The following PGBD5 variants were observed in gnomAD, a reference collection of about 807,000 sequenced individuals.
PGBD5 encodes the protein piggyBac transposable element-derived protein 5.
Under a neutral mutation model 47.9 loss-of-function variants are expected in PGBD5, and 14 were observed. The ratio of observed to expected loss-of-function variants is 0.29; its 90% CI spans 0.19 to 0.46. The LOEUF (loss-of-function observed/expected upper bound fraction) is 0.46, where lower values mean the gene tolerates loss of function less well. PGBD5 is among the 20% of genes least tolerant of loss of function. PGBD5 has a pLI of 1.00. For missense variants in PGBD5, 635 were observed against 716.0 expected (o/e 0.89, Z 1.29); for synonymous variants, 316 against 306.3 (o/e 1.03, Z -0.33).
rs1430468710 is a variant in PGBD5, at chr1:230,318,025, C to T, written c.*5400G>A. 1 of 152,574 alleles carries T rather than the reference C, an allele frequency of 6.6e-6. No homozygotes were observed. The highest frequency in any genetic ancestry group is 1.5e-5 in the Non-Finnish European group (1 of 68,362). The allele number at this position is 152,574 out of a possible 1,614,324, so 9.5% of individuals were successfully genotyped here. On this transcript the variant is annotated 3_prime_UTR_variant, in exon 7 of 7. Transcript: ENST00000391860. ...CCAGCGCCAGCACCACCGCCCTACA[C>T]TCAAGAGAGGCTGCCCGGCCCCCAC...
In PGBD5 at chr1:230,316,071, TAC is replaced by T. The variant is rs779672970; in HGVS notation, c.*7352_*7353del. The stretch of plus-strand genomic sequence containing the variant: ...GTACACATATATGTATGTGTATACA[TAC>T]ATGTTTATGTGTATACATACATATG... On this transcript the variant is annotated 3_prime_UTR_variant, in exon 7 of 7. Coordinates refer to ENST00000391860, the MANE Select transcript of PGBD5 (RefSeq NM_001258311.2). 4.1e-4 allele frequency: 48 copies of T among 116,480 alleles called. No homozygotes were observed. The highest frequency in any genetic ancestry group is 2.4e-3 in the East Asian group (5 of 2,068). 7.2% of individuals were successfully genotyped at this position (116,480 alleles called of 1,614,324 possible).
rs1236400361 is a variant in PGBD5, at chr1:230,318,945, G to A, written c.*4480C>T. ...ATCTAGGACAAGAAAAGGACCCAGG[G>A]GGAGGGTGATGTCCCGGATCTCATA... is the stretch of plus-strand genomic sequence containing the variant. On this transcript the variant is annotated 3_prime_UTR_variant, in exon 7 of 7. Transcript: ENST00000391860. The A allele has an allele frequency of 1.3e-5, 2 of 152,218 alleles. No individual in the cohort carries two copies. Among genetic ancestry groups the A allele is most frequent in the Non-Finnish European group, 2.9e-5 (2 of 68,056 alleles). 9.4% of individuals were successfully genotyped at this position (152,218 alleles called of 1,614,324 possible). A position where few individuals can be genotyped will look rare whatever the true frequency, so the allele number is the denominator to read the frequency against.
chr1:230,399,321 T>A (rs1006584841), intron 1 of PGBD5, among the ~76,000 whole-genome samples: 8 of 152,178 alleles, frequency 5.3e-5, no homozygotes, highest in African/African-American at 1.9e-4. Flanking sequence ...GTCCCCCACT[T>A]TGCTGATATA....
At chr1:230,411,143 T>C (rs1657398667) in intron 1 of PGBD5, among the ~76,000 whole-genome samples, 3 of 151,142 alleles carry the variant, frequency 2.0e-5, no homozygotes, top group Admixed American at 2.0e-4. Flanking sequence ...ATTAGTCAGG[T>C]ATGGTGGCAC....
chr1:230,353,957 C>T (rs1667597888), intron 2 of PGBD5, among the ~76,000 whole-genome samples: 1 of 152,110 alleles, frequency 6.6e-6, no homozygotes, highest in South Asian at 2.1e-4. Context: ...ATGCAGGAGC[C>T]GAGCAGGGCG....
In PGBD5 at chr1:230,326,932, CCGCAAAGGTCATGGCAAGATGAA is replaced by C. The variant is rs1327368667; in HGVS notation, c.1274-1540_1274-1518del. Among the ~76,000 whole-genome samples, 4 of 152,164 alleles carry C rather than the reference CCGCAAAGGTCATGGCAAGATGAA, an allele frequency of 2.6e-5. No individual in the cohort carries two copies. In the East Asian group the frequency reaches 7.7e-4, roughly 29 times the overall value. ...CAACTGGGAATGCATCCCAGGGGCA[CCGCAAAGGTCATGGCAAGATGAA>C]CAAATCCTACCAGCAGGGCCTGAGA... On this transcript the variant is annotated intron_variant, in intron 5 of 6. Coordinates refer to ENST00000391860, the MANE Select transcript of PGBD5 (RefSeq NM_001258311.2).
intron 2 of PGBD5, among the ~76,000 whole-genome samples, chr1:230,355,266 T>C (rs1188306165): frequency 1.3e-5 from 2 of 152,194 alleles, no homozygotes; most frequent in East Asian, 3.8e-4. Context: ...AGGACACCTG[T>C]ACCTGGGAGC....
intron 1 of PGBD5, among the ~76,000 whole-genome samples, chr1:230,405,100 C>T (rs994149245): frequency 6.0e-5 from 9 of 149,742 alleles, no homozygotes; most frequent in Admixed American, 4.0e-4. Context: ...GAGGCTGAGG[C>T]GGGAGAATGG....
intron 1 of PGBD5, among the ~76,000 whole-genome samples, chr1:230,400,590 C>T (rs576074911): frequency 8.5e-5 from 13 of 152,346 alleles, no homozygotes; most frequent in African/African-American, 2.9e-4. Context: ...CACCAAAGAA[C>T]AGTAGCAGGA....
chr1:230,394,237 C>T (rs1571855839), intron 1 of PGBD5, among the ~76,000 whole-genome samples: 1 of 151,878 alleles, frequency 6.6e-6, no homozygotes, highest in Admixed American at 6.6e-5. Context: ...ATAAACGTGC[C>T]CAGTACCCTC....
intron 1 of PGBD5, among the ~76,000 whole-genome samples, chr1:230,384,941 A>G (rs116302999): frequency 0.012 from 1,829 of 152,358 alleles, 33 homozygotes; most frequent in African/African-American, 0.041. Flanking sequence ...AGCTGTAGCA[A>G]GGCGGCTGGT....
intron 1 of PGBD5, among the ~76,000 whole-genome samples, chr1:230,424,628 T>C (rs948587543): frequency 6.6e-6 from 1 of 152,228 alleles, no homozygotes; most frequent in Non-Finnish European, 1.5e-5. Flanking sequence ...AGCCGCATCA[T>C]GCCCACCGCG....
chr1:230,407,596 C>CA (rs1657324916), intron 1 of PGBD5, among the ~76,000 whole-genome samples: 1 of 152,120 alleles, frequency 6.6e-6, no homozygotes, highest in South Asian at 2.1e-4. Context: ...TCTGGGTAAT[C>CA]AAACTGATGT....
At chr1:230,406,847 T>G (rs1227611061) in intron 1 of PGBD5, among the ~76,000 whole-genome samples, 1 of 152,204 alleles carries the variant, frequency 6.6e-6, no homozygotes, top group African/African-American at 2.4e-5. Context: ...CAACATCACT[T>G]TTTTTGAGAC....
intron 1 of PGBD5, among the ~76,000 whole-genome samples, chr1:230,384,510 G>T (rs1656588917): frequency 1.3e-5 from 2 of 152,168 alleles, no homozygotes; most frequent in South Asian, 2.1e-4. Context: ...TTTCCTACCT[G>T]CTGAGCACCC....
chr1:230,365,559 T>C (rs1186619960), intron 1 of PGBD5, among the ~76,000 whole-genome samples: 1 of 152,186 alleles, frequency 6.6e-6, no homozygotes, highest in Non-Finnish European at 1.5e-5. Flanking sequence ...CCAACTCAAG[T>C]GCCTTCCACC....
rs1408951726 is a variant in PGBD5 at position 230,317,054 on chromosome 1, T to C, written c.*6371A>G. The C allele has an allele frequency of 2.0e-5, 3 of 151,954 alleles. No homozygotes were observed. The highest frequency in any genetic ancestry group is 4.4e-5 in the Non-Finnish European group (3 of 68,044). The allele number at this position is 151,954 out of a possible 1,614,324, so 9.4% of individuals were successfully genotyped here. The stretch of plus-strand genomic sequence containing the variant: ...GATGCCTGCCAAGCAAGGTGGAGGG[T>C]CTGGGGGTTGCTGAGTCCAGCAGCA... On this transcript the variant is annotated 3_prime_UTR_variant, in exon 7 of 7. Coordinates refer to ENST00000391860, the MANE Select transcript of PGBD5 (RefSeq NM_001258311.2).
chr1:230,369,355 G>C (rs1667893175), intron 1 of PGBD5, among the ~76,000 whole-genome samples: 1 of 152,232 alleles, frequency 6.6e-6, no homozygotes, highest in Non-Finnish European at 1.5e-5. Context: ...GGGTCAGGGG[G>C]ACTGCTTGCC....
Position 230,425,338 on chromosome 1 carries a change from G to T in PGBD5, c.331+260C>A, listed in dbSNP as rs1229920034. 6.6e-6 allele frequency among the ~76,000 whole-genome samples: 1 copy of T among 152,298 alleles called. No individual in the cohort carries two copies. Among genetic ancestry groups the T allele is most frequent in the Middle Eastern group, 3.4e-3 (1 of 294 alleles). On this transcript the variant is annotated intron_variant, in intron 1 of 6. Coordinates refer to ENST00000391860, the MANE Select transcript of PGBD5 (RefSeq NM_001258311.2). The surrounding 1 kb of genome is among the most constrained non-coding windows in gnomAD (Gnocchi z 4.7). Reference sequence around the variant, plus strand: ...CATGCAGGGGCTGGGGTGCTCCCAGGAAGTGAAGGAAAAGGTCCCCGACGA... The same window carrying T: ...CATGCAGGGGCTGGGGTGCTCCCAGTAAGTGAAGGAAAAGGTCCCCGACGA...
Sources: allele counts gnomAD v4.1 joint callset (sites outside exome capture counted in the v4.1 genomes callset), GRCh38; gene constraint gnomAD v4.1.1; non-coding constraint Gnocchi (gnomAD v3.1); transcripts MANE v1.5; gene names NCBI Gene and HGNC (gene_info 2026-07-23, HGNC 2026-07-21).